The following UBE2L3 variants were observed in gnomAD, a reference collection of about 807,000 sequenced individuals.
UBE2L3 encodes ubiquitin conjugating enzyme E2 L3.
UBE2L3 carries 1 observed loss-of-function variant against 17.8 expected under a neutral mutation model. That is an observed-to-expected ratio of 0.06 (90% confidence interval 0.02 to 0.27). UBE2L3 has a LOEUF of 0.27. Ranked by LOEUF, UBE2L3 falls within the 10% of genes least tolerant of loss-of-function variation. The pLI, the probability that UBE2L3 is intolerant of heterozygous loss-of-function variation, is 1.00. For synonymous variants in UBE2L3, 44 were observed against 68.5 expected (o/e 0.64, Z 1.76); for missense variants, 40 against 192.6 (o/e 0.21, Z 4.69).
intron 1 of UBE2L3, among the ~76,000 whole-genome samples, chr22:21,589,035 C>T (rs1928108164): frequency 6.6e-6 from 1 of 152,112 alleles, no homozygotes; most frequent in South Asian, 2.1e-4. Context: ...CTCAAGCAGT[C>T]TGCCTGCCTT....
intron 1 of UBE2L3, 143 bp downstream of exon 1, chr22:21,567,914 G>A (rs771027501): frequency 1.3e-6 from 2 of 1,499,164 alleles, no homozygotes; most frequent in Non-Finnish European, 1.8e-6. Context: ...CCGCGCGCAG[G>A]CTCAAGGTGC....
At chr22:21,597,002 AG>A (rs1161332640) in intron 2 of UBE2L3, among the ~76,000 whole-genome samples, 1 of 152,004 alleles carries the variant, frequency 6.6e-6, no homozygotes, top group Non-Finnish European at 1.5e-5. Context: ...TTTTTGAGAC[AG>A]GGTCTCACTC....
At chr22:21,590,045 C>G (rs1928172850) in intron 1 of UBE2L3, among the ~76,000 whole-genome samples, 1 of 152,158 alleles carries the variant, frequency 6.6e-6, no homozygotes, top group Non-Finnish European at 1.5e-5. Context: ...TTCTGCACCC[C>G]TGCCCTTAGT....
At position 21,623,364 on chromosome 22, in the gene UBE2L3, C is replaced by A. The variant is rs1308444804; in HGVS notation, c.*1695C>A. On this transcript the variant is annotated 3_prime_UTR_variant, in exon 4 of 4. Coordinates refer to ENST00000342192, the MANE Select transcript of UBE2L3 (RefSeq NM_003347.4). ...AGGTTTCTGGAGACTCCCTTGTGCC[C>A]GGGATGGCAAGGGCACCGGGCTGGC... The A allele has an allele frequency of 5.2e-5, 8 of 152,690 alleles. No homozygotes were observed. The highest frequency in any genetic ancestry group is 5.2e-4 in the Admixed American group (8 of 15,274). The allele number at this position is 152,690 out of a possible 1,614,324, so 9.5% of individuals were successfully genotyped here. A position where few individuals can be genotyped will look rare whatever the true frequency, so the allele number is the denominator to read the frequency against.
At chr22:21,557,302 G>C (rs1236680504) in intron 1 of UBE2L3, among the ~76,000 whole-genome samples, 1 of 152,242 alleles carries the variant, frequency 6.6e-6, no homozygotes, top group Non-Finnish European at 1.5e-5. Context: ...GGGAGGCAGA[G>C]GTTACAGTGG....
rs1930055698 is a variant in UBE2L3, at chr22:21,621,985, G to T, written c.*316G>T. 3.1e-5 allele frequency: 7 copies of T among 228,688 alleles called. No individual in the cohort carries two copies. Among genetic ancestry groups the T allele is most frequent in the East Asian group, 1.4e-4 (1 of 7,340 alleles). The allele number at this position is 228,688 out of a possible 1,614,324, so 14.2% of individuals were successfully genotyped here. A position where few individuals can be genotyped will look rare whatever the true frequency, so the allele number is the denominator to read the frequency against. On this transcript the variant is annotated 3_prime_UTR_variant, in exon 4 of 4. Coordinates refer to ENST00000342192, the MANE Select transcript of UBE2L3 (RefSeq NM_003347.4). ...CTTCAAGTTACATTTAACCCATAAG[G>T]TTTAAAAAAAAGGAAAAAAAACGGT... is the stretch of plus-strand genomic sequence containing the variant.
intron 1 of UBE2L3, among the ~76,000 whole-genome samples, chr22:21,552,039 ACT>A (rs1326689335): frequency 2.4e-5 from 2 of 83,558 alleles, no homozygotes; most frequent in African/African-American, 1.0e-4. Context: ...ACACACACAC[ACT>A]GCCTCTCTGA....
chr22:21,609,746 C>T (rs1929376432), intron 2 of UBE2L3, among the ~76,000 whole-genome samples: 2 of 152,034 alleles, frequency 1.3e-5, no homozygotes, highest in Admixed American at 1.3e-4. Flanking sequence ...CAAGTAACGG[C>T]TGGGCACAGT....
chr22:21,566,323 C>T (rs1926635059), upstream of UBE2L3, among the ~76,000 whole-genome samples: 1 of 152,002 alleles, frequency 6.6e-6, no homozygotes, highest in Non-Finnish European at 1.5e-5. Context: ...GTGGCTCATG[C>T]CTGTAATCCC....
chr22:21,598,983 G>A (rs1928708659), intron 2 of UBE2L3, among the ~76,000 whole-genome samples: 1 of 151,918 alleles, frequency 6.6e-6, no homozygotes, highest in African/African-American at 2.4e-5. Context: ...GGGGCTACAG[G>A]CATACACCAC....
rs5998537 is a variant in UBE2L3, at chr22:21,571,678, A to G, written c.27+3907A>G. Reference sequence around the variant, plus strand: ...AGGCCTCCCGAAGTGCTGGGATTACAGGTGTGAGCCACTGCGCCCAGCCTA... The same window carrying G: ...AGGCCTCCCGAAGTGCTGGGATTACGGGTGTGAGCCACTGCGCCCAGCCTA... On this transcript the variant is annotated intron_variant, in intron 1 of 3. Coordinates refer to ENST00000342192, the MANE Select transcript of UBE2L3 (RefSeq NM_003347.4). 6.0e-3 allele frequency among the ~76,000 whole-genome samples: 917 copies of G among 152,320 alleles called. 6 individuals carry two copies. The highest frequency in any genetic ancestry group is 0.021 in the African/African-American group (860 of 41,570).
intron 3 of UBE2L3, among the ~76,000 whole-genome samples, chr22:21,612,309 T>G (rs558554573): frequency 6.6e-6 from 1 of 152,280 alleles, no homozygotes; most frequent in South Asian, 2.1e-4. Context: ...TTCTTCTCAG[T>G]GCCTGGTTTT....
At chr22:21,611,922 G>C (rs2148442566) in intron 3 of UBE2L3, among the ~76,000 whole-genome samples, 1 of 152,246 alleles carries the variant, frequency 6.6e-6, no homozygotes, top group Non-Finnish European at 1.5e-5. Context: ...TCTAGGGTAG[G>C]GGCTCATGGG....
intron 1 of UBE2L3, among the ~76,000 whole-genome samples, chr22:21,571,662 G>A (rs376858873): frequency 6.6e-5 from 10 of 152,218 alleles, no homozygotes; most frequent in East Asian, 1.9e-4. Flanking sequence ...GAGGCCTCCC[G>A]AAGTGCTGGG....
chr22:21,609,957 C>T (rs866996700), intron 2 of UBE2L3, among the ~76,000 whole-genome samples: 6 of 152,088 alleles, frequency 3.9e-5, no homozygotes, highest in African/African-American at 1.2e-4. Context: ...ACCCAGGAGG[C>T]GGAGGTTGCG....
chr22:21,587,388 A>G (rs184818514), intron 1 of UBE2L3, among the ~76,000 whole-genome samples: 2 of 151,916 alleles, frequency 1.3e-5, no homozygotes, highest in Non-Finnish European at 2.9e-5. Flanking sequence ...ACGGGGTTTC[A>G]CCATGTGGTC....
chr22:21,604,416 G>A (rs544822885), intron 2 of UBE2L3, among the ~76,000 whole-genome samples: 27 of 152,068 alleles, frequency 1.8e-4, no homozygotes, highest in Non-Finnish European at 3.7e-4. Context: ...CAGGACAATC[G>A]TTTGAACCCG....
chr22:21,568,424 G>A, intron 1 of UBE2L3: 3 of 985,382 alleles, frequency 3.0e-6, no homozygotes, highest in Non-Finnish European at 3.6e-6. Flanking sequence ...CGATCGCGGC[G>A]CGGTTCTGCT....
intron 1 of UBE2L3, among the ~76,000 whole-genome samples, chr22:21,552,720 CTTT>C (rs1286930537): frequency 3.0e-3 from 16 of 5,316 alleles, no homozygotes; most frequent in African/African-American, 0.016. Context: ...TCCAGATGTT[CTTT>C]TTTTTTTTTT....
Sources: allele counts gnomAD v4.1 joint callset (sites outside exome capture counted in the v4.1 genomes callset), GRCh38; gene constraint gnomAD v4.1.1; transcripts MANE v1.5; gene names NCBI Gene and HGNC (gene_info 2026-07-23, HGNC 2026-07-21).